The following CDH13 variants were observed in gnomAD, a reference collection of about 807,000 sequenced individuals.
CDH13 encodes cadherin-13.
Under a neutral mutation model 63.8 loss-of-function variants are expected in CDH13, and 24 were observed. That is an observed-to-expected ratio of 0.38 (90% confidence interval 0.27 to 0.53). The LOEUF (loss-of-function observed/expected upper bound fraction) is 0.53, where lower values mean the gene tolerates loss of function less well. Ranked by LOEUF, CDH13 falls within the 20% of genes least tolerant of loss-of-function variation. The pLI is 0.85. For synonymous variants in CDH13, 503 were observed against 355.3 expected, an observed-to-expected ratio of 1.42 and a Z score of -4.67; for missense variants, 1,049 against 903.1, an observed-to-expected ratio of 1.16 and a Z score of -2.07.
At chr16:83,260,233 G>A (rs1466963896) in intron 5 of CDH13, among the ~76,000 whole-genome samples, 2 of 151,240 alleles carry the variant, frequency 1.3e-5, no homozygotes, top group African/African-American at 4.9e-5. Flanking sequence ...TTAAAATACT[G>A]GTCATGACCT....
intron 1 of CDH13, among the ~76,000 whole-genome samples, chr16:82,664,649 T>C (rs1912376009): frequency 6.6e-6 from 1 of 152,260 alleles, no homozygotes; most frequent in Non-Finnish European, 1.5e-5. Context: ...TCTCTAGATG[T>C]GATTTGTTTT....
At chr16:83,302,812 A>C (rs73595970) in intron 5 of CDH13, among the ~76,000 whole-genome samples, 1 of 152,170 alleles carries the variant, frequency 6.6e-6, no homozygotes, top group Non-Finnish European at 1.5e-5. Context: ...CAGGTGACAC[A>C]GTGAGGTTGC....
chr16:83,643,362 C>T (rs1450865137), intron 8 of CDH13, among the ~76,000 whole-genome samples: 4 of 151,190 alleles, frequency 2.6e-5, no homozygotes, highest in Non-Finnish European at 4.4e-5. Context: ...TCTTTCCCTT[C>T]GTATATATCA....
chr16:83,532,539 C>T (rs2075103446), intron 7 of CDH13, among the ~76,000 whole-genome samples: 1 of 152,216 alleles, frequency 6.6e-6, no homozygotes, highest in Admixed American at 6.5e-5. Flanking sequence ...ATCCAGAGTG[C>T]CTAGCTCAGC....
At chr16:83,511,082 A>G (rs1348699315) in intron 7 of CDH13, among the ~76,000 whole-genome samples, 2 of 129,654 alleles carry the variant, frequency 1.5e-5, no homozygotes, top group Non-Finnish European at 3.1e-5. Flanking sequence ...ACATGCACGC[A>G]TGCACACACA....
intron 1 of CDH13, among the ~76,000 whole-genome samples, chr16:82,768,634 C>A (rs2035149746): frequency 6.6e-6 from 1 of 152,160 alleles, no homozygotes; most frequent in South Asian, 2.1e-4. Context: ...ATCTCAAAAT[C>A]TTTGGGGCAG....
chr16:83,502,455 G>C (rs948926929), intron 7 of CDH13, among the ~76,000 whole-genome samples: 2 of 152,116 alleles, frequency 1.3e-5, no homozygotes, highest in African/African-American at 2.4e-5. Context: ...CTTGATTTTA[G>C]CCCACTGAGA....
chr16:83,762,328 C>A (rs1270296270), intron 11 of CDH13, among the ~76,000 whole-genome samples: 1 of 152,056 alleles, frequency 6.6e-6, no homozygotes, highest in Non-Finnish European at 1.5e-5. Context: ...AGTACAGGCA[C>A]TCTTTTATGG....
At chr16:82,792,886 T>G (rs1405334243) in intron 1 of CDH13, among the ~76,000 whole-genome samples, 1 of 152,040 alleles carries the variant, frequency 6.6e-6, no homozygotes, top group Non-Finnish European at 1.5e-5. Context: ...AAAGTCCACA[T>G]GAAATGCCTG....
chr16:82,672,006 G>A (rs896321465), intron 1 of CDH13, among the ~76,000 whole-genome samples: 1 of 152,078 alleles, frequency 6.6e-6, no homozygotes, highest in Non-Finnish European at 1.5e-5. Flanking sequence ...GGAAAGAATG[G>A]CATCATTTCC....
At chr16:82,911,451 A>C (rs1402525546) in intron 2 of CDH13, among the ~76,000 whole-genome samples, 1 of 152,142 alleles carries the variant, frequency 6.6e-6, no homozygotes, top group African/African-American at 2.4e-5. Context: ...ACCTAGAGGG[A>C]ACTCTGCAGG....
chr16:82,983,111 G>T, intron 2 of CDH13, among the ~76,000 whole-genome samples: 1 of 152,150 alleles, frequency 6.6e-6, no homozygotes, highest in East Asian at 1.9e-4. Flanking sequence ...TTCAGCAAGG[G>T]AGGGATACTA....
At chr16:83,664,952 T>C (rs182965059) in intron 8 of CDH13, among the ~76,000 whole-genome samples, 4 of 152,320 alleles carry the variant, frequency 2.6e-5, no homozygotes, top group Middle Eastern at 3.4e-3. Context: ...TTGTGCCTAG[T>C]GGAGTCTCCA....
At chr16:82,915,316 T>C (rs2041953015) in intron 2 of CDH13, among the ~76,000 whole-genome samples, 1 of 152,198 alleles carries the variant, frequency 6.6e-6, no homozygotes, top group Non-Finnish European at 1.5e-5. Context: ...GAATGTCTTT[T>C]TGTGACAGTG....
chr16:82,667,823 A>T (rs1267615084), intron 1 of CDH13, among the ~76,000 whole-genome samples: 1 of 152,010 alleles, frequency 6.6e-6, no homozygotes, highest in Non-Finnish European at 1.5e-5. Context: ...TTGCTATGTC[A>T]GGCATTCATG....
At chr16:83,379,805 A>G (rs568616287) in intron 6 of CDH13, among the ~76,000 whole-genome samples, 88 of 152,080 alleles carry the variant, frequency 5.8e-4, no homozygotes, top group African/African-American at 2.1e-3. Flanking sequence ...AAAAATAAAT[A>G]TAAAACTGCC....
At chr16:83,439,914 T>A (rs1420712308) in intron 6 of CDH13, among the ~76,000 whole-genome samples, 3 of 152,150 alleles carry the variant, frequency 2.0e-5, no homozygotes, top group African/African-American at 7.2e-5. Flanking sequence ...ATGTAAAAAA[T>A]TCTATGTAGG....
At chr16:83,193,167 G>A (rs959167976) in intron 4 of CDH13, among the ~76,000 whole-genome samples, 2 of 150,674 alleles carry the variant, frequency 1.3e-5, no homozygotes, top group Non-Finnish European at 3.0e-5. Context: ...AAAAAAAAAA[G>A]ATCAGGGTAT....
At position 83,760,094 on chromosome 16, in the gene CDH13, A is replaced by G. The variant is rs1037230039; in HGVS notation, c.1681+11844A>G. 2.0e-5 allele frequency among the ~76,000 whole-genome samples: 3 copies of G among 152,340 alleles called. 1 individual carries two copies. The South Asian group carries it at 6.2e-4, about 32-fold the overall frequency. On this transcript the variant is annotated intron_variant, in intron 11 of 13. Transcript: ENST00000567109. The stretch of plus-strand genomic sequence containing the variant: ...ATGCTCAACTTAATTAAATAAAGAT[A>G]TATACATTAAATTATACAAATATAA...
Sources: allele counts gnomAD v4.1 joint callset (sites outside exome capture counted in the v4.1 genomes callset), GRCh38; gene constraint gnomAD v4.1.1; transcripts MANE v1.5; gene names NCBI Gene and HGNC (gene_info 2026-07-23, HGNC 2026-07-21).